Variants in CTSO observed in about 807,000 individuals in gnomAD.
CTSO encodes cathepsin O.
In CTSO, 40 loss-of-function variants were observed where a neutral mutation model predicts 42.4. The ratio of observed to expected loss-of-function variants is 0.94; its 90% CI spans 0.73 to 1.23. The LOEUF is 1.23. Among genes scored for constraint, CTSO ranks in the 50% most tolerant of loss-of-function variants. The pLI, the probability that CTSO is intolerant of heterozygous loss-of-function variation, is 0.00. For missense variants in CTSO, 441 were observed against 396.0 expected, an observed-to-expected ratio of 1.11 and a Z score of -0.96; for synonymous variants, 156 against 146.2, an observed-to-expected ratio of 1.07 and a Z score of -0.48.
chr4:155,939,386 C>G lies in CTSO; in HGVS notation c.537G>C (p.Leu179Phe). 1 of 1,612,082 alleles carries G rather than the reference C, an allele frequency of 6.2e-7. No individual in the cohort carries two copies. Among genetic ancestry groups the G allele is most frequent in the Non-Finnish European group, 8.5e-7 (1 of 1,178,646 alleles). The change falls in exon 4 of 8, where the codon TTG (leucine) becomes TTC (phenylalanine). Residue 179 changes from leucine to phenylalanine, a missense_variant. Coordinates refer to ENST00000433477, the MANE Select transcript of CTSO (RefSeq NM_001334.3). ...GCNGGSTLNA[L>F]NWLNKMQVKL... is the part of the protein sequence containing the mutation. ...GACTAGTCACCTTGTTTAACCAGTT[C>G]AAAGCATTGAGAGTAGAGCCTCCAT...
intron 7 of CTSO, among the ~76,000 whole-genome samples, chr4:155,927,782 A>C (rs1361815592): frequency 6.6e-6 from 1 of 152,090 alleles, no homozygotes; most frequent in Admixed American, 6.6e-5. Flanking sequence ...CTCAAAAAAA[A>C]AAAAGTTGTC....
Position 155,931,782 on chromosome 4 carries a change from GTTA to G in CTSO, c.675-2080_675-2078del, listed in dbSNP as rs897197768. On this transcript the variant is annotated intron_variant, in intron 5 of 7. Transcript: ENST00000433477. The stretch of plus-strand genomic sequence containing the variant: ...CCTACAGTTTTGGAAATAATAATTC[GTTA>G]TTATTATAACGAATTATTATTATAA... Among the ~76,000 whole-genome samples, 120 of 150,030 alleles carry G rather than the reference GTTA, an allele frequency of 8.0e-4. 1 individual carries two copies. The highest frequency in any genetic ancestry group is 2.8e-3 in the African/African-American group (114 of 40,924).
chr4:155,950,596 T>G (rs372483937), intron 1 of CTSO, among the ~76,000 whole-genome samples: 2 of 152,282 alleles, frequency 1.3e-5, no homozygotes, highest in Non-Finnish European at 2.9e-5. Flanking sequence ...CCCTGGGCCA[T>G]GGACCAGTAC....
At chr4:155,946,850 G>A (rs4691162) in intron 1 of CTSO, among the ~76,000 whole-genome samples, 135,265 of 151,932 alleles carry the variant, frequency 0.89, 61,743 homozygotes, top group East Asian at 1. Flanking sequence ...TGAACACAGC[G>A]TAATAATAAT....
At chr4:155,929,059 C>T (rs979751705) in intron 6 of CTSO, among the ~76,000 whole-genome samples, 7 of 152,212 alleles carry the variant, frequency 4.6e-5, no homozygotes, top group African/African-American at 9.6e-5. Flanking sequence ...TGCTTAAAGG[C>T]GTTCTTAAGC....
At chr4:155,930,428 CA>C (rs1229775206) in intron 5 of CTSO, among the ~76,000 whole-genome samples, 3 of 152,158 alleles carry the variant, frequency 2.0e-5, no homozygotes, top group Non-Finnish European at 2.9e-5. Context: ...GTGAAGACTG[CA>C]AAATACACAA....
intron 4 of CTSO, among the ~76,000 whole-genome samples, chr4:155,938,962 C>T (rs941813004): frequency 6.6e-6 from 1 of 151,370 alleles, no homozygotes. Flanking sequence ...GTCTCAAAAA[C>T]AACAACAACA....
chr4:155,927,382 C>T (rs1743147004), intron 7 of CTSO, among the ~76,000 whole-genome samples: 1 of 152,096 alleles, frequency 6.6e-6, no homozygotes, highest in African/African-American at 2.4e-5. Flanking sequence ...GATTTCTAGA[C>T]CAAAAGTTTT....
Position 155,925,791 on chromosome 4 carries a change from G to T in CTSO, c.*245C>A. On this transcript the variant is annotated 3_prime_UTR_variant, in exon 8 of 8. Transcript: ENST00000433477. Reference sequence around the variant, plus strand: ...ATCTCCTAATCTGAATTTCGTCTCAGGACAGGAAACTATTCCATAGGCTTC... The same window carrying T: ...ATCTCCTAATCTGAATTTCGTCTCATGACAGGAAACTATTCCATAGGCTTC... 2.2e-6 allele frequency: 1 copy of T among 460,996 alleles called. No individual in the cohort carries two copies. 28.6% of individuals were successfully genotyped at this position (460,996 alleles called of 1,614,324 possible). A position where few individuals can be genotyped will look rare whatever the true frequency, so the allele number is the denominator to read the frequency against.
At chr4:155,929,454 C>A (rs1743191461) in intron 6 of CTSO, 88 bp downstream of exon 6, 5 of 1,382,118 alleles carry the variant, frequency 3.6e-6, no homozygotes, top group Non-Finnish European at 4.9e-6. Context: ...CATAGCAGAA[C>A]CAAATTTCAA....
intron 5 of CTSO, 99 bp from the exon 6 acceptor site, chr4:155,929,804 G>T (rs995395391): frequency 8.4e-7 from 1 of 1,185,522 alleles, no homozygotes. Context: ...AGGTTTGGTT[G>T]CAGTTACAAA....
rs1244581289 is a variant in CTSO, at chr4:155,947,318, T to C, written c.136-4054A>G. On this transcript the variant is annotated intron_variant, in intron 1 of 7. Transcript: ENST00000433477. Reference sequence around the variant, plus strand: ...TAAAATAATAATTGGAAAACACTTATTACAGAGACTGGCAAAATAAATGCT... The same window carrying C: ...TAAAATAATAATTGGAAAACACTTACTACAGAGACTGGCAAAATAAATGCT... Among the ~76,000 whole-genome samples, 4 of 152,148 alleles carry C rather than the reference T, an allele frequency of 2.6e-5. No individual in the cohort carries two copies. In the East Asian group the frequency reaches 7.7e-4, roughly 29 times the overall value.
Position 155,952,535 on chromosome 4 carries a change from G to A in CTSO, c.135+1178C>T, listed in dbSNP as rs114155372. Reference sequence around the variant, plus strand: ...ACCAGGAAAACGAACGTAAGTTGAGGATAGGGGTAGAATACAGGCCAGAAT... The same window carrying A: ...ACCAGGAAAACGAACGTAAGTTGAGAATAGGGGTAGAATACAGGCCAGAAT... On this transcript the variant is annotated intron_variant, in intron 1 of 7. Transcript: ENST00000433477. 5.3e-3 allele frequency among the ~76,000 whole-genome samples: 814 copies of A among 152,338 alleles called. 7 individuals carry two copies. The highest frequency in any genetic ancestry group is 0.019 in the African/African-American group (786 of 41,572).
chr4:155,945,139 C>T (rs576058942), intron 1 of CTSO, among the ~76,000 whole-genome samples: 11 of 151,942 alleles, frequency 7.2e-5, no homozygotes, highest in African/African-American at 2.4e-4. Context: ...CGCCTATAAT[C>T]CCAGCTACTC....
At position 155,925,464 on chromosome 4, in the gene CTSO, TCTG is replaced by T. The variant is rs1743114473; in HGVS notation, c.*569_*571del. 2 of 152,272 alleles carry T rather than the reference TCTG, an allele frequency of 1.3e-5. No individual in the cohort carries two copies. Among genetic ancestry groups the T allele is most frequent in the Admixed American group, 6.5e-5 (1 of 15,276 alleles). 9.4% of individuals were successfully genotyped at this position (152,272 alleles called of 1,614,324 possible). A position where few individuals can be genotyped will look rare whatever the true frequency, so the allele number is the denominator to read the frequency against. ...CTTTTCCTTCCTTCTACGTGGTCAC[TCTG>T]CTGTTCAAAGGGTAAGCACCATTTG... On this transcript the variant is annotated 3_prime_UTR_variant, in exon 8 of 8. Transcript: ENST00000433477.
rs1743100946 is a variant in CTSO, at chr4:155,924,765, G to A, written c.*1271C>T. 6.6e-6 allele frequency: 1 copy of A among 152,146 alleles called. No homozygotes were observed. Among genetic ancestry groups the A allele is most frequent in the Non-Finnish European group, 1.5e-5 (1 of 68,032 alleles). 9.4% of individuals were successfully genotyped at this position (152,146 alleles called of 1,614,324 possible). On this transcript the variant is annotated 3_prime_UTR_variant, in exon 8 of 8. Coordinates refer to ENST00000433477, the MANE Select transcript of CTSO (RefSeq NM_001334.3). ...GCTTTTTTCCTGTTGCAGGTCATGA[G>A]CAGCACACAGTGTCCTTTCTAGGCA...
chr4:155,939,809 G>A (rs1179732527), intron 3 of CTSO, among the ~76,000 whole-genome samples: 1 of 152,160 alleles, frequency 6.6e-6, no homozygotes. Flanking sequence ...AGAGACCGAG[G>A]AAATACTTGG....
At chr4:155,952,758 G>A (rs1206947354) in intron 1 of CTSO, among the ~76,000 whole-genome samples, 1 of 152,182 alleles carries the variant, frequency 6.6e-6, no homozygotes, top group Non-Finnish European at 1.5e-5. Context: ...GAAATCCTGT[G>A]AGAAATTCCA....
intron 5 of CTSO, among the ~76,000 whole-genome samples, chr4:155,930,942 C>G (rs1237662664): frequency 6.6e-6 from 1 of 152,042 alleles, no homozygotes; most frequent in African/African-American, 2.4e-5. Flanking sequence ...TTTTAAAAGG[C>G]ATCATGATAG....
Sources: gnomAD v4.1 joint callset for allele counts (sites outside exome capture counted in the v4.1 genomes callset) on GRCh38, gnomAD v4.1.1 for gene constraint, MANE v1.5 for transcripts, NCBI Gene and HGNC (gene_info 2026-07-23, HGNC 2026-07-21) for gene names.